Variants in ZFPM2 observed in about 807,000 individuals in gnomAD.
ZFPM2 encodes the protein zinc finger protein, FOG family member 2.
ZFPM2 carries 20 observed loss-of-function variants against 98.6 expected under a neutral mutation model. That is an observed-to-expected ratio of 0.20 (90% CI 0.14 to 0.29). ZFPM2 has a LOEUF of 0.29. ZFPM2 is among the 10% of genes least tolerant of loss of function. ZFPM2 has a pLI of 1.00. For missense variants in ZFPM2, 1,310 were observed against 1,388.6 expected, an observed-to-expected ratio of 0.94 and a Z score of 0.90; for synonymous variants, 518 against 502.7, an observed-to-expected ratio of 1.03 and a Z score of -0.41.
intron 5 of ZFPM2, among the ~76,000 whole-genome samples, chr8:105,688,163 T>C (rs1313152426): frequency 2.6e-5 from 4 of 152,092 alleles, no homozygotes; most frequent in Non-Finnish European, 5.9e-5. Context: ...AATTAAGTTA[T>C]GAAGAGCCTA....
At chr8:105,424,654 C>T (rs1439058493) in intron 2 of ZFPM2, among the ~76,000 whole-genome samples, 1 of 151,932 alleles carries the variant, frequency 6.6e-6, no homozygotes, top group African/African-American at 2.4e-5. Flanking sequence ...ATGTTAGCCC[C>T]ATAAGTAATT....
chr8:105,466,162 G>A lies in ZFPM2; in HGVS notation c.301+21781G>A, dbSNP rs78431246. ...TAATTTTTAATATTTTAATATGAAT[G>A]CATTTCCTTTGCCAAACTAATTTTT... On this transcript the variant is annotated intron_variant, in intron 3 of 7. Transcript: ENST00000407775. 5.3e-3 allele frequency among the ~76,000 whole-genome samples: 809 copies of A among 152,020 alleles called. 5 individuals carry two copies. Among genetic ancestry groups the A allele is most frequent in the African/African-American group, 0.014 (564 of 41,524 alleles).
intron 3 of ZFPM2, among the ~76,000 whole-genome samples, chr8:105,549,948 T>TGTA (rs145074761): frequency 6.6e-6 from 1 of 151,420 alleles, no homozygotes; most frequent in Non-Finnish European, 1.5e-5. Flanking sequence ...TAATGCATAA[T>TGTA]ATGTCATTTA....
intron 3 of ZFPM2, among the ~76,000 whole-genome samples, chr8:105,527,028 G>A (rs913698217): frequency 6.6e-6 from 1 of 152,052 alleles, no homozygotes; most frequent in African/African-American, 2.4e-5. Flanking sequence ...GTTGTTATGA[G>A]GAAACGAGGA....
chr8:105,374,591 G>A (rs576370319), intron 1 of ZFPM2, among the ~76,000 whole-genome samples: 2 of 152,116 alleles, frequency 1.3e-5, no homozygotes, highest in East Asian at 3.9e-4. Flanking sequence ...TCCCTATGTT[G>A]CCCAGGCTGT....
chr8:105,499,252 G>GAA (rs550118982), intron 3 of ZFPM2, among the ~76,000 whole-genome samples: 2 of 121,730 alleles, frequency 1.6e-5, no homozygotes, highest in African/African-American at 3.0e-5. Flanking sequence ...CTAGATTCCA[G>GAA]AAAAAAAAAA....
At chr8:105,689,674 C>T (rs1474684735) in intron 5 of ZFPM2, among the ~76,000 whole-genome samples, 1 of 152,090 alleles carries the variant, frequency 6.6e-6, no homozygotes, top group East Asian at 1.9e-4. Context: ...GTGGCAACAG[C>T]AGTGGTGATG....
Position 105,318,762 on chromosome 8 carries a change from C to T in ZFPM2, c.-180C>T, listed in dbSNP as rs1811955429. 6.2e-6 allele frequency: 1 copy of T among 162,056 alleles called. No homozygotes were observed. The highest frequency in any genetic ancestry group is 1.7e-4 in the South Asian group (1 of 5,814). 10.0% of individuals were successfully genotyped at this position (162,056 alleles called of 1,614,324 possible). A position where few individuals can be genotyped will look rare whatever the true frequency, so the allele number is the denominator to read the frequency against. On this transcript the variant is annotated 5_prime_UTR_variant, in exon 1 of 8. Coordinates refer to ENST00000407775, the MANE Select transcript of ZFPM2 (RefSeq NM_012082.4). ...TCTCTTCTCTCATTTGCTTGCTCATCTCCGAACGTGAATCCGCGGCTCCCG... is the reference window on the plus strand; with the variant it reads ...TCTCTTCTCTCATTTGCTTGCTCATTTCCGAACGTGAATCCGCGGCTCCCG...
At chr8:105,401,351 T>C (rs1489894387) in intron 1 of ZFPM2, among the ~76,000 whole-genome samples, 1 of 152,158 alleles carries the variant, frequency 6.6e-6, no homozygotes, top group Non-Finnish European at 1.5e-5. Context: ...TTTTCAAGTT[T>C]GTTAGTATAA....
chr8:105,763,684 A>G (rs1404693782), intron 5 of ZFPM2, among the ~76,000 whole-genome samples: 1 of 151,934 alleles, frequency 6.6e-6, no homozygotes, highest in Non-Finnish European at 1.5e-5. Flanking sequence ...TAGATTGTCC[A>G]AGGTCACATA....
intron 1 of ZFPM2, among the ~76,000 whole-genome samples, chr8:105,386,156 T>TGTA (rs1227158141): frequency 6.6e-6 from 1 of 152,190 alleles, no homozygotes; most frequent in Non-Finnish European, 1.5e-5. Flanking sequence ...TCTTTTGAAC[T>TGTA]GTAGTAAAAC....
rs150443647 is a variant in ZFPM2, at chr8:105,751,784, G to A, written c.533-36934G>A. ...TGGTGCTGTGGTAGATTTGACCTTA[G>A]GTAGATTGTTAAAAAAAAAAAAAAA... On this transcript the variant is annotated intron_variant, in intron 5 of 7. Transcript: ENST00000407775. Among the ~76,000 whole-genome samples, 312 of 150,590 alleles carry A rather than the reference G, an allele frequency of 2.1e-3. 1 individual carries two copies. The highest frequency in any genetic ancestry group is 6.9e-3 in the African/African-American group (280 of 40,844).
intron 1 of ZFPM2, among the ~76,000 whole-genome samples, chr8:105,364,366 GA>G (rs1317575133): frequency 1.3e-5 from 2 of 151,958 alleles, no homozygotes; most frequent in African/African-American, 4.8e-5. Flanking sequence ...GTAGGAGTGA[GA>G]TATTTACATT....
intron 3 of ZFPM2, among the ~76,000 whole-genome samples, chr8:105,460,293 A>G (rs1812680119): frequency 6.6e-6 from 1 of 152,136 alleles, no homozygotes; most frequent in Non-Finnish European, 1.5e-5. Context: ...ATTTAGAGAG[A>G]ATAAAGAAGG....
At chr8:105,619,250 T>C (rs1227962638) in intron 4 of ZFPM2, among the ~76,000 whole-genome samples, 12 of 152,136 alleles carry the variant, frequency 7.9e-5, no homozygotes, top group Admixed American at 5.2e-4. Flanking sequence ...CCATCAAATA[T>C]GTGTGTTTGG....
At chr8:105,601,363 A>G (rs1381158840) in intron 4 of ZFPM2, among the ~76,000 whole-genome samples, 10 of 152,054 alleles carry the variant, frequency 6.6e-5, no homozygotes, top group Non-Finnish European at 1.5e-5. Context: ...GACTCCAGAG[A>G]ATTCATCACC....
At chr8:105,350,833 T>G (rs1000855005) in intron 1 of ZFPM2, among the ~76,000 whole-genome samples, 5 of 152,106 alleles carry the variant, frequency 3.3e-5, no homozygotes, top group Non-Finnish European at 5.9e-5. Flanking sequence ...TCCTTCAGTA[T>G]CTGTGGAGAA....
At chr8:105,380,885 TTATAATATATATAATATATAATATATA>T (rs1313372831) in intron 1 of ZFPM2, among the ~76,000 whole-genome samples, 1 of 94,406 alleles carries the variant, frequency 1.1e-5, no homozygotes, top group African/African-American at 5.0e-5. Context: ...GTTATATATA[TTATAATATATATAATATATAATATATA>T]TGTTATATAT....
chr8:105,452,172 A>G (rs1812496837), intron 3 of ZFPM2, among the ~76,000 whole-genome samples: 2 of 152,330 alleles, frequency 1.3e-5, no homozygotes, highest in South Asian at 4.1e-4. Flanking sequence ...TGGTTGGTCT[A>G]TATAAAATTC....
Sources: allele counts gnomAD v4.1 joint callset (sites outside exome capture counted in the v4.1 genomes callset), GRCh38; gene constraint gnomAD v4.1.1; transcripts MANE v1.5; gene names NCBI Gene and HGNC (gene_info 2026-07-23, HGNC 2026-07-21).